Variants in SPSB1 observed in about 807,000 individuals in gnomAD.
The protein encoded by SPSB1 is SPRY domain-containing SOCS box protein 1.
A neutral mutation model predicts 21.2 loss-of-function variants in SPSB1; 8 were observed. The ratio of observed to expected loss-of-function variants is 0.38; its 90% confidence interval spans 0.22 to 0.68. The LOEUF is 0.68. SPSB1 is among the 30% of genes least tolerant of loss of function. The pLI is 0.53. For missense variants in SPSB1, 242 were observed against 377.8 expected (o/e 0.64, Z 2.98); for synonymous variants, 169 against 161.7 (o/e 1.05, Z -0.34).
Position 9,346,999 on chromosome 1 carries a change from C to T in SPSB1, c.-149-8744C>T, listed in dbSNP as rs575845555. Among the ~76,000 whole-genome samples the T allele has an allele frequency of 6.6e-6, 1 of 152,308 alleles. No individual in the cohort carries two copies. The highest frequency in any genetic ancestry group is 1.9e-4 in the East Asian group (1 of 5,184). Reference sequence around the variant, plus strand: ...CTTCGGGATGGCCCCAAAGCTTCCCCAGGATTCTCATCCTTTATTTAAATA... The same window carrying T: ...CTTCGGGATGGCCCCAAAGCTTCCCTAGGATTCTCATCCTTTATTTAAATA... On this transcript the variant is annotated intron_variant, in intron 1 of 2. Transcript: ENST00000328089. The surrounding 1 kb of genome is among the most constrained non-coding windows in gnomAD (Gnocchi z 4.4).
Position 9,345,531 on chromosome 1 carries a change from G to A in SPSB1, c.-149-10212G>A, listed in dbSNP as rs891866406. Among the ~76,000 whole-genome samples, 6 of 152,188 alleles carry A rather than the reference G, an allele frequency of 3.9e-5. No individual in the cohort carries two copies. Among genetic ancestry groups the A allele is most frequent in the Admixed American group, 3.9e-4 (6 of 15,274 alleles). On this transcript the variant is annotated intron_variant, in intron 1 of 2. Coordinates refer to ENST00000328089, the MANE Select transcript of SPSB1 (RefSeq NM_025106.4). This position sits in a 1 kb window ranked among gnomAD's most constrained non-coding sequence, Gnocchi z 4.8. ...GCTGTGTGTCCCTGGGGTCCCTCAA[G>A]AACTGGCTTCTCGTCTGCATCAGGC...
intron 2 of SPSB1, among the ~76,000 whole-genome samples, chr1:9,357,694 G>C (rs1640396056): frequency 6.6e-6 from 1 of 152,216 alleles, no homozygotes; most frequent in Non-Finnish European, 1.5e-5. Context: ...CTGTCCCTTT[G>C]GGAAGGGGAG....
chr1:9,332,882 T>A (rs1277407412), intron 1 of SPSB1, among the ~76,000 whole-genome samples: 1 of 152,204 alleles, frequency 6.6e-6, no homozygotes, highest in Non-Finnish European at 1.5e-5. Flanking sequence ...TTCTGCAGCC[T>A]GAGTGCGTAG....
chr1:9,337,589 T>G (rs1210714536), intron 1 of SPSB1, among the ~76,000 whole-genome samples: 2 of 152,082 alleles, frequency 1.3e-5, no homozygotes. Context: ...CCTTCAGCTG[T>G]GAGTGCAGCG....
Position 9,348,289 on chromosome 1 carries a change from G to A in SPSB1, c.-149-7454G>A, listed in dbSNP as rs553653074. ...CACAGCACTGTCTCGCTCCTGTCTC[G>A]GCGGTAGTGCTGTGTCTAGCATCAC... On this transcript the variant is annotated intron_variant, in intron 1 of 2. Transcript: ENST00000328089. This position sits in a 1 kb window ranked among gnomAD's most constrained non-coding sequence, Gnocchi z 4.8. 4.6e-5 allele frequency among the ~76,000 whole-genome samples: 7 copies of A among 152,112 alleles called. No individual in the cohort carries two copies. Among genetic ancestry groups the A allele is most frequent in the Admixed American group, 2.0e-4 (3 of 15,276 alleles).
chr1:9,326,268 C>CGTTTATT (rs1639814313), intron 1 of SPSB1, among the ~76,000 whole-genome samples: 1 of 152,176 alleles, frequency 6.6e-6, no homozygotes, highest in Non-Finnish European at 1.5e-5. Context: ...CCCAGCACCA[C>CGTTTATT]CCCAAGGGCT....
rs1347134688 is a variant in SPSB1 at position 9,324,044 on chromosome 1, T to G, written c.-150+30973T>G. On this transcript the variant is annotated intron_variant, in intron 1 of 2. Coordinates refer to ENST00000328089, the MANE Select transcript of SPSB1 (RefSeq NM_025106.4). The surrounding 1 kb of genome is among the most constrained non-coding windows in gnomAD (Gnocchi z 4.3). ...GCCCAAACTCGGGCCGCAGAACCCCTCCTCAGGCCAGCCTGGTTGCTCTGA... is the reference window on the plus strand; with the variant it reads ...GCCCAAACTCGGGCCGCAGAACCCCGCCTCAGGCCAGCCTGGTTGCTCTGA... Among the ~76,000 whole-genome samples, 1 of 152,166 alleles carries G rather than the reference T, an allele frequency of 6.6e-6. No homozygotes were observed. Among genetic ancestry groups the G allele is most frequent in the Non-Finnish European group, 1.5e-5 (1 of 68,030 alleles).
chr1:9,330,484 A>ATAG (rs1639896727), intron 1 of SPSB1, among the ~76,000 whole-genome samples: 1 of 150,814 alleles, frequency 6.6e-6, no homozygotes, highest in South Asian at 2.1e-4. Flanking sequence ...AACAATAATA[A>ATAG]TAATAATAAT....
At chr1:9,300,870 C>T (rs1219873830) in intron 1 of SPSB1, among the ~76,000 whole-genome samples, 1 of 152,218 alleles carries the variant, frequency 6.6e-6, no homozygotes, top group Admixed American at 6.5e-5. Flanking sequence ...GGGGAGTTCC[C>T]TCTGATCGAT....
At chr1:9,301,129 T>C (rs1320521967) in intron 1 of SPSB1, among the ~76,000 whole-genome samples, 1 of 152,162 alleles carries the variant, frequency 6.6e-6, no homozygotes, top group Non-Finnish European at 1.5e-5. Context: ...GGGCTGTGCC[T>C]GATGATTTGG....
chr1:9,310,687 C>A (rs1639502001), intron 1 of SPSB1, among the ~76,000 whole-genome samples: 1 of 151,066 alleles, frequency 6.6e-6, no homozygotes, highest in South Asian at 2.1e-4. Flanking sequence ...GGGAGTTAGA[C>A]CTTGTCTTAA....
intron 1 of SPSB1, among the ~76,000 whole-genome samples, chr1:9,331,332 T>TG (rs1170078168): frequency 7.1e-6 from 1 of 141,648 alleles, no homozygotes; most frequent in Non-Finnish European, 1.5e-5. Flanking sequence ...TTTTTTTTTT[T>TG]TTTTTTTTTT....
At chr1:9,339,498 CT>C (rs1459963028) in intron 1 of SPSB1, among the ~76,000 whole-genome samples, 1 of 152,186 alleles carries the variant, frequency 6.6e-6, no homozygotes, top group African/African-American at 2.4e-5. Context: ...GGAGGGGCCC[CT>C]GGAAGATCCC....
chr1:9,345,751 TAGAGC>T lies in SPSB1; in HGVS notation c.-149-9991_-149-9987del. On this transcript the variant is annotated intron_variant, in intron 1 of 2. Coordinates refer to ENST00000328089, the MANE Select transcript of SPSB1 (RefSeq NM_025106.4). This position sits in a 1 kb window ranked among gnomAD's most constrained non-coding sequence, Gnocchi z 4.8. ...TTTTGGGTCTTTTGAGGTCAGGGACTAGAGCTCTGGACCGTGTGGGATTTTCTCTC... is the reference window on the plus strand; with the variant it reads ...TTTTGGGTCTTTTGAGGTCAGGGACTTCTGGACCGTGTGGGATTTTCTCTC... Among the ~76,000 whole-genome samples, 1 of 148,116 alleles carries T rather than the reference TAGAGC, an allele frequency of 6.8e-6. No homozygotes were observed. Among genetic ancestry groups the T allele is most frequent in the Non-Finnish European group, 1.5e-5 (1 of 64,806 alleles).
chr1:9,309,787 A>C, intron 1 of SPSB1, among the ~76,000 whole-genome samples: 1 of 152,156 alleles, frequency 6.6e-6, no homozygotes, highest in East Asian at 1.9e-4. Flanking sequence ...GTTTGCAGTG[A>C]GCCAAGACTG....
At chr1:9,365,609 A>G (rs994712115) in intron 2 of SPSB1, among the ~76,000 whole-genome samples, 33 of 152,296 alleles carry the variant, frequency 2.2e-4, no homozygotes, top group African/African-American at 7.9e-4. Flanking sequence ...CATCACCCCA[A>G]AAAGAAACCC....
At chr1:9,341,157 C>G (rs1569628311) in intron 1 of SPSB1, among the ~76,000 whole-genome samples, 1 of 152,210 alleles carries the variant, frequency 6.6e-6, no homozygotes, top group South Asian at 2.1e-4. Flanking sequence ...ACCCCAGATC[C>G]AAGTTGCTTT....
At chr1:9,318,704 C>A (rs1056841769) in intron 1 of SPSB1, among the ~76,000 whole-genome samples, 5 of 151,174 alleles carry the variant, frequency 3.3e-5, no homozygotes, top group African/African-American at 1.2e-4. Flanking sequence ...GAGGGTTGTT[C>A]TTCTGTCCAT....
chr1:9,299,207 G>T (rs905340580), intron 1 of SPSB1, among the ~76,000 whole-genome samples: 5 of 152,216 alleles, frequency 3.3e-5, no homozygotes, highest in African/African-American at 1.2e-4. Flanking sequence ...TGTCCATAAG[G>T]CCCAGCAGAA....
Sources: gnomAD v4.1 joint callset for allele counts (sites outside exome capture counted in the v4.1 genomes callset) on GRCh38, gnomAD v4.1.1 for gene constraint, Gnocchi (gnomAD v3.1) non-coding constraint, MANE v1.5 for transcripts, NCBI Gene and HGNC (gene_info 2026-07-23, HGNC 2026-07-21) for gene names.